MALRD1: variants seen among roughly 807,000 people sequenced by gnomAD.
MALRD1 encodes MAM and LDL-receptor class A domain-containing protein 1.
MALRD1 carries 247 observed loss-of-function variants against 242.1 expected under a neutral mutation model. The observed-to-expected ratio is 1.02, with a 90% CI of 0.92 to 1.13. The LOEUF (loss-of-function observed/expected upper bound fraction) is 1.13. Among genes scored for constraint, MALRD1 ranks in the 50% most tolerant of loss-of-function variants. The probability of loss-of-function intolerance (pLI) is 0.00; values close to 1 mark genes in which losing one functional copy is unlikely to be tolerated. For synonymous variants in MALRD1, 995 were observed against 866.6 expected (o/e 1.15, Z -2.60); for missense variants, 2,989 against 2,533.1 (o/e 1.18, Z -3.86).
At chr10:19,343,373 T>C (rs1467433786) in intron 24 of MALRD1, among the ~76,000 whole-genome samples, 1 of 152,074 alleles carries the variant, frequency 6.6e-6, no homozygotes, top group Non-Finnish European at 1.5e-5. Flanking sequence ...ACTAATATTG[T>C]CTCAATGTTT....
rs1219307310 is a variant in MALRD1, at chr10:19,090,018, G to C, written c.597+1833G>C. On this transcript the variant is annotated intron_variant, in intron 4 of 39. Transcript: ENST00000454679. ...TTGTAGTATAGTTTGAAGTCAGGTA[G>C]TGTGATGCCTCCAGCTTTGTTCTTT... 4.2e-3 allele frequency among the ~76,000 whole-genome samples: 289 copies of C among 68,252 alleles called. 1 individual carries two copies. Among genetic ancestry groups the C allele is most frequent in the African/African-American group, 0.025 (273 of 11,004 alleles). The allele number at this position is 68,252 out of a possible 152,430, so 44.8% of individuals were successfully genotyped here.
intron 28 of MALRD1, among the ~76,000 whole-genome samples, chr10:19,406,725 A>G (rs1245418951): frequency 6.6e-6 from 1 of 152,182 alleles, no homozygotes; most frequent in Non-Finnish European, 1.5e-5. Context: ...AAATAAATAA[A>G]TAAATAACAT....
chr10:19,377,823 C>T (rs1845674287), intron 26 of MALRD1, among the ~76,000 whole-genome samples: 1 of 151,822 alleles, frequency 6.6e-6, no homozygotes, highest in African/African-American at 2.4e-5. Flanking sequence ...AATTAATAAA[C>T]CTAAACTTTA....
chr10:19,173,754 C>G lies in MALRD1; in HGVS notation c.1831-1454C>G, dbSNP rs139906281. Among the ~76,000 whole-genome samples the G allele has an allele frequency of 8.3e-3, 1,268 of 152,252 alleles. 22 individuals carry two copies. Among genetic ancestry groups the G allele is most frequent in the African/African-American group, 0.029 (1,209 of 41,544 alleles). On this transcript the variant is annotated intron_variant, in intron 13 of 39. Transcript: ENST00000454679. Reference sequence around the variant, plus strand: ...GTATCATGGAGGCTTACTATTACTTCTCCACCAAATCTTTTCCCAAACTCT... The same window carrying G: ...GTATCATGGAGGCTTACTATTACTTGTCCACCAAATCTTTTCCCAAACTCT...
At chr10:19,061,896 A>G (rs1834833092) in intron 1 of MALRD1, among the ~76,000 whole-genome samples, 1 of 152,350 alleles carries the variant, frequency 6.6e-6, no homozygotes, top group Admixed American at 6.5e-5. Context: ...TATGACACCA[A>G]CAGCACAGGC....
chr10:19,100,925 A>G (rs1450343433), intron 4 of MALRD1, among the ~76,000 whole-genome samples: 2 of 152,112 alleles, frequency 1.3e-5, no homozygotes, highest in African/African-American at 2.4e-5. Context: ...GACTATCTCT[A>G]TGAAAAAGCT....
intron 10 of MALRD1, among the ~76,000 whole-genome samples, chr10:19,140,276 C>T (rs1341168899): frequency 6.6e-6 from 1 of 152,126 alleles, no homozygotes; most frequent in African/African-American, 2.4e-5. Flanking sequence ...CTTGTCTGCT[C>T]ATATGCTGTA....
At chr10:19,541,281 A>G (rs1834956759) in intron 32 of MALRD1, among the ~76,000 whole-genome samples, 1 of 152,324 alleles carries the variant, frequency 6.6e-6, no homozygotes. Flanking sequence ...GAAAAATATT[A>G]GATAGTATTT....
chr10:19,105,554 T>G (rs1456216916), intron 5 of MALRD1, among the ~76,000 whole-genome samples: 1 of 151,998 alleles, frequency 6.6e-6, no homozygotes, highest in Non-Finnish European at 1.5e-5. Flanking sequence ...TACTCAGAAG[T>G]GGGATTGCTG....
intron 19 of MALRD1, among the ~76,000 whole-genome samples, chr10:19,277,658 A>G (rs565646511): frequency 1.3e-5 from 2 of 152,334 alleles, no homozygotes; most frequent in African/African-American, 4.8e-5. Flanking sequence ...TTAGAAGACC[A>G]CTTGTCTACA....
intron 31 of MALRD1, among the ~76,000 whole-genome samples, chr10:19,518,829 C>T (rs1273428417): frequency 2.6e-5 from 4 of 152,186 alleles, no homozygotes; most frequent in East Asian, 1.9e-4. Flanking sequence ...GTGGCAATTG[C>T]CATTCATGAA....
At chr10:19,446,754 CT>C (rs1835004807) in intron 28 of MALRD1, among the ~76,000 whole-genome samples, 1 of 152,112 alleles carries the variant, frequency 6.6e-6, no homozygotes, top group Admixed American at 6.5e-5. Flanking sequence ...TTCAATATCT[CT>C]AACCATTTTT....
At chr10:19,124,304 T>A (rs1391313492) in intron 6 of MALRD1, among the ~76,000 whole-genome samples, 1 of 152,150 alleles carries the variant, frequency 6.6e-6, no homozygotes, top group African/African-American at 2.4e-5. Context: ...TGGGTCACAT[T>A]TGAGAGGATA....
chr10:19,362,530 A>G (rs538876616), intron 26 of MALRD1, among the ~76,000 whole-genome samples: 1 of 152,108 alleles, frequency 6.6e-6, no homozygotes, highest in Non-Finnish European at 1.5e-5. Context: ...AATCCCACAC[A>G]TAGGAAGCAT....
intron 33 of MALRD1, among the ~76,000 whole-genome samples, chr10:19,592,149 G>T (rs945313665): frequency 6.6e-6 from 1 of 152,192 alleles, no homozygotes; most frequent in Non-Finnish European, 1.5e-5. Context: ...AGTGTTATAA[G>T]TCAGGTTCCC....
At chr10:19,613,234 G>T (rs1261370466) in intron 35 of MALRD1, among the ~76,000 whole-genome samples, 2 of 151,998 alleles carry the variant, frequency 1.3e-5, no homozygotes, top group South Asian at 2.1e-4. Context: ...TCTGAAGAAA[G>T]ACCACAAATC....
At position 19,433,888 on chromosome 10, in the gene MALRD1, A is replaced by G. The variant is rs189549431; in HGVS notation, c.4846-16419A>G. Among the ~76,000 whole-genome samples the G allele has an allele frequency of 9.5e-4, 144 of 152,014 alleles. 2 individuals are homozygous for G. The East Asian group carries it at 0.012, about 12-fold the overall frequency. ...ATATGGCAAACACACACACACACAC[A>G]CGCGCACACACACACAGGGATATTT... On this transcript the variant is annotated intron_variant, in intron 28 of 39. Coordinates refer to ENST00000454679, the MANE Select transcript of MALRD1 (RefSeq NM_001142308.3).
At chr10:19,655,177 T>C (rs1443158526) in intron 36 of MALRD1, among the ~76,000 whole-genome samples, 1 of 151,256 alleles carries the variant, frequency 6.6e-6, no homozygotes, top group Non-Finnish European at 1.5e-5. Flanking sequence ...TTTTTTGTTC[T>C]TGTTGTTGTT....
intron 32 of MALRD1, among the ~76,000 whole-genome samples, chr10:19,536,546 A>G (rs1009828243): frequency 2.0e-5 from 3 of 151,936 alleles, no homozygotes; most frequent in African/African-American, 7.3e-5. Flanking sequence ...AGCCCTTGTA[A>G]TCAGTCCCCT....
Sources: allele counts gnomAD v4.1 joint callset (sites outside exome capture counted in the v4.1 genomes callset), GRCh38; gene constraint gnomAD v4.1.1; transcripts MANE v1.5; gene names NCBI Gene and HGNC (gene_info 2026-07-23, HGNC 2026-07-21).